Variants in JAM2 observed in about 807,000 individuals in gnomAD.
The protein encoded by JAM2 is junctional adhesion molecule 2.
A neutral mutation model predicts 42.0 loss-of-function variants in JAM2; 17 were observed. The ratio of observed to expected loss-of-function variants is 0.40; its 90% CI spans 0.28 to 0.61. The LOEUF is 0.61. Among genes scored for constraint, JAM2 ranks in the 20% least tolerant of loss-of-function variants. The pLI is 0.37. For synonymous variants in JAM2, 118 were observed against 128.6 expected, an observed-to-expected ratio of 0.92 and a Z score of 0.56; for missense variants, 319 against 358.3, an observed-to-expected ratio of 0.89 and a Z score of 0.89.
At chr21:25,658,593 A>G (rs774133312) in intron 1 of JAM2, among the ~76,000 whole-genome samples, 1 of 152,164 alleles carries the variant, frequency 6.6e-6, no homozygotes, top group Non-Finnish European at 1.5e-5. Context: ...CAACAGAACC[A>G]GTGTCATGGA....
intron 9 of JAM2, among the ~76,000 whole-genome samples, chr21:25,713,102 G>A (rs1162225734): frequency 6.6e-6 from 1 of 152,086 alleles, no homozygotes; most frequent in African/African-American, 2.4e-5. Flanking sequence ...ATTCATGAAG[G>A]TCCTGCCCTC....
chr21:25,705,585 C>T (rs2034254941), intron 6 of JAM2, among the ~76,000 whole-genome samples: 1 of 152,052 alleles, frequency 6.6e-6, no homozygotes, highest in Admixed American at 6.6e-5. Context: ...GTGAAATTGA[C>T]ACAGTTGATG....
At chr21:25,698,574 A>G in intron 4 of JAM2, 103 bp from the exon 5 acceptor site, 1 of 971,040 alleles carries the variant, frequency 1.0e-6, no homozygotes, top group South Asian at 1.6e-5. Context: ...TTACCTGGCT[A>G]TTAAAACCAT....
intron 1 of JAM2, among the ~76,000 whole-genome samples, chr21:25,683,324 T>A (rs2033679803): frequency 6.6e-6 from 1 of 152,176 alleles, no homozygotes; most frequent in African/African-American, 2.4e-5. Context: ...CAAAAATCAT[T>A]GAAATGTTTT....
intron 5 of JAM2, among the ~76,000 whole-genome samples, chr21:25,699,345 A>C (rs1447813685): frequency 1.3e-5 from 2 of 152,198 alleles, no homozygotes; most frequent in Non-Finnish European, 2.9e-5. Flanking sequence ...CCCTTTTACC[A>C]GGGAGGCCTT....
intron 3 of JAM2, among the ~76,000 whole-genome samples, chr21:25,693,327 G>A (rs1017393362): frequency 2.7e-5 from 4 of 150,596 alleles, no homozygotes; most frequent in African/African-American, 4.9e-5. Flanking sequence ...ACACAATCTC[G>A]GCTCACTGCA....
At chr21:25,676,466 A>G (rs976159451) in intron 1 of JAM2, among the ~76,000 whole-genome samples, 6 of 152,192 alleles carry the variant, frequency 3.9e-5, no homozygotes, top group African/African-American at 9.7e-5. Flanking sequence ...TTAGATGAGT[A>G]ATAGAGAATA....
At chr21:25,697,738 C>A (rs577193630) in intron 4 of JAM2, among the ~76,000 whole-genome samples, 2 of 152,014 alleles carry the variant, frequency 1.3e-5, no homozygotes, top group South Asian at 2.1e-4. Flanking sequence ...CCTGTCTATA[C>A]AAAAACAGTT....
chr21:25,640,360 G>A (rs751544053), intron 1 of JAM2, among the ~76,000 whole-genome samples: 8 of 152,246 alleles, frequency 5.3e-5, no homozygotes, highest in Non-Finnish European at 1.2e-4. Context: ...CTGAGCCGGC[G>A]ATATGCAGCG....
rs1207334371 is a variant in JAM2 at position 25,714,751 on chromosome 21, A to C, written c.*79A>C. ...CTATTATAAAACTCTGCTTTGTCCG[A>C]CATTTGCAAAGAGGTACACGAGGAA... is the stretch of plus-strand genomic sequence containing the variant. On this transcript the variant is annotated 3_prime_UTR_variant, in exon 10 of 10. Transcript: ENST00000480456. 1.1e-6 allele frequency: 1 copy of C among 948,296 alleles called. No homozygotes were observed. Among genetic ancestry groups the C allele is most frequent in the African/African-American group, 1.7e-5 (1 of 57,790 alleles). The allele number at this position is 948,296 out of a possible 1,614,324, so 58.7% of individuals were successfully genotyped here. A position where few individuals can be genotyped will look rare whatever the true frequency, so the allele number is the denominator to read the frequency against.
rs2034180199 is a variant in JAM2 at position 25,702,209 on chromosome 21, TCC to T, written c.638_639del (p.Ser213LeufsTer2). 1 of 1,598,266 alleles carries T rather than the reference TCC, an allele frequency of 6.3e-7. No homozygotes were observed. The highest frequency in any genetic ancestry group is 1.3e-5 in the African/African-American group (1 of 74,790). On this transcript the variant is annotated frameshift_variant, in exon 6 of 10. Transcript: ENST00000480456. LOFTEE classifies it high-confidence loss of function. ...TVSKLDTGEY[S>X]CEARNSVGYR... is the part of the protein sequence containing the mutation. ...TTCCAAACTGGACACTGGAGAATAT[TCC>T]TGTGAAGCCCGCAATTCTGTTGGAT...
At chr21:25,697,736 T>C (rs1303632357) in intron 4 of JAM2, among the ~76,000 whole-genome samples, 2 of 151,864 alleles carry the variant, frequency 1.3e-5, no homozygotes, top group Admixed American at 1.3e-4. Context: ...ACCCTGTCTA[T>C]ACAAAAACAG....
chr21:25,691,630 C>T (rs914904976), intron 3 of JAM2, among the ~76,000 whole-genome samples: 6 of 152,314 alleles, frequency 3.9e-5, no homozygotes, highest in Admixed American at 3.9e-4. Context: ...CATAAAGTTA[C>T]TGTTCCAGTC....
Position 25,639,541 on chromosome 21 carries a change from C to G in JAM2, c.-281C>G. On this transcript the variant is annotated 5_prime_UTR_variant, in exon 1 of 10. Coordinates refer to ENST00000480456, the MANE Select transcript of JAM2 (RefSeq NM_021219.4). Reference sequence around the variant, plus strand: ...TGCCCCCTCGCTAGGACCCGGCGGACGCCTCGTCTGGTTTTCACGCCCTCT... The same window carrying G: ...TGCCCCCTCGCTAGGACCCGGCGGAGGCCTCGTCTGGTTTTCACGCCCTCT... 2.8e-6 allele frequency: 1 copy of G among 355,908 alleles called. No homozygotes were observed. The highest frequency in any genetic ancestry group is 5.0e-6 in the Non-Finnish European group (1 of 199,276). The allele number at this position is 355,908 out of a possible 1,614,324, so 22.0% of individuals were successfully genotyped here. A position where few individuals can be genotyped will look rare whatever the true frequency, so the allele number is the denominator to read the frequency against.
intron 1 of JAM2, among the ~76,000 whole-genome samples, chr21:25,680,313 T>C (rs2829859): frequency 0.52 from 79,541 of 152,068 alleles, 20,978 homozygotes; most frequent in African/African-American, 0.59. Context: ...TGTCCATATC[T>C]CTTCCCTGAG....
At chr21:25,641,396 A>G (rs1457690061) in intron 1 of JAM2, among the ~76,000 whole-genome samples, 1 of 152,222 alleles carries the variant, frequency 6.6e-6, no homozygotes, top group Non-Finnish European at 1.5e-5. Context: ...GTAGTGGAGA[A>G]ACAACCAAGA....
In JAM2 at chr21:25,639,774, G is replaced by T. The variant is rs755482265; in HGVS notation, c.-48G>T. 1 of 1,412,458 alleles carries T rather than the reference G, an allele frequency of 7.1e-7. No homozygotes were observed. Among genetic ancestry groups the T allele is most frequent in the Non-Finnish European group, 9.6e-7 (1 of 1,037,250 alleles). The allele number at this position is 1,412,458 out of a possible 1,614,324, so 87.5% of individuals were successfully genotyped here. ...GCCCCCGGCCTCCTGCGCTCCTGCC[G>T]CCGGGACCCTCGACCTCCTCAGAGC... is the stretch of plus-strand genomic sequence containing the variant. On this transcript the variant is annotated 5_prime_UTR_variant, in exon 1 of 10. Transcript: ENST00000480456.
At chr21:25,647,797 G>A (rs76571434) in intron 1 of JAM2, among the ~76,000 whole-genome samples, 152 of 152,266 alleles carry the variant, frequency 1.0e-3, no homozygotes, top group Middle Eastern at 6.8e-3. Context: ...AGTGCAAAGG[G>A]GTGCTATTTT....
At chr21:25,680,545 G>T (rs531705431) in intron 1 of JAM2, among the ~76,000 whole-genome samples, 136 of 152,322 alleles carry the variant, frequency 8.9e-4, no homozygotes, top group African/African-American at 3.2e-3. Context: ...ATAAGACAAA[G>T]TTTGGGGGCA....
Sources: allele counts gnomAD v4.1 joint callset (sites outside exome capture counted in the v4.1 genomes callset), GRCh38; gene constraint gnomAD v4.1.1; transcripts MANE v1.5; gene names NCBI Gene and HGNC (gene_info 2026-07-23, HGNC 2026-07-21).